The following FSCN2 variants were observed in gnomAD, a reference collection of about 807,000 sequenced individuals.
FSCN2 encodes fascin-2.
A neutral mutation model predicts 37.8 loss-of-function variants in FSCN2; 46 were observed. The ratio of observed to expected loss-of-function variants is 1.22; its 90% CI spans 0.96 to 1.56. The LOEUF (loss-of-function observed/expected upper bound fraction) is 1.56, where lower values mean the gene tolerates loss of function less well. Ranked by LOEUF, FSCN2 falls within the 40% of genes most tolerant of loss-of-function variation. The pLI is 0.00. For missense variants in FSCN2, 844 were observed against 730.4 expected, an observed-to-expected ratio of 1.16 and a Z score of -1.79; for synonymous variants, 351 against 309.4, an observed-to-expected ratio of 1.13 and a Z score of -1.41.
chr17:81,526,795 G>A (rs1187697909), upstream of FSCN2, among the ~76,000 whole-genome samples: 1 of 152,222 alleles, frequency 6.6e-6, no homozygotes, highest in Non-Finnish European at 1.5e-5. Context: ...GGAAGGGGGT[G>A]AAACCCCAGA....
chr17:81,515,424 A>G, the FSCN2 span, among the ~76,000 whole-genome samples: 5 of 152,280 alleles, frequency 3.3e-5, no homozygotes, highest in Admixed American at 2.6e-4. Context: ...TGTCCTTCAC[A>G]TTTCAGGAAG....
upstream of FSCN2, among the ~76,000 whole-genome samples, chr17:81,523,380 G>A (rs534448430): frequency 3.8e-4 from 58 of 152,376 alleles, no homozygotes; most frequent in South Asian, 3.5e-3. Context: ...AGAAAGAGAA[G>A]TGCGGCCCCC....
In FSCN2 at chr17:81,535,227, T is replaced by C; in HGVS notation, c.983+19T>C. On this transcript the variant is annotated intron_variant, in intron 2 of 4. Transcript: ENST00000417245. The stretch of plus-strand genomic sequence containing the variant: ...CACAAGTGTGAGTGCACACATCCCT[T>C]CCTCCTCCATCATCCCCATCCCCAC... The C allele has an allele frequency of 6.7e-7, 1 of 1,502,106 alleles. No individual in the cohort carries two copies. The highest frequency in any genetic ancestry group is 8.9e-7 in the Non-Finnish European group (1 of 1,124,480). The allele number at this position is 1,502,106 out of a possible 1,614,324, so 93.0% of individuals were successfully genotyped here.
At chr17:81,533,905 C>T (rs1379030059) in intron 1 of FSCN2, among the ~76,000 whole-genome samples, 4 of 152,124 alleles carry the variant, frequency 2.6e-5, no homozygotes, top group African/African-American at 7.2e-5. Context: ...CTTCAGTGCC[C>T]GCAGGGACGG....
chr17:81,531,354 GTGATGGTGATGA>G (rs2032570143), intron 1 of FSCN2, among the ~76,000 whole-genome samples: 1 of 124,300 alleles, frequency 8.0e-6, no homozygotes, highest in Non-Finnish European at 1.7e-5. Flanking sequence ...GGTGATGATG[GTGATGGTGATGA>G]TGGTGGTGGT....
the FSCN2 span, among the ~76,000 whole-genome samples, chr17:81,516,112 G>A: frequency 6.6e-6 from 1 of 152,246 alleles, no homozygotes; most frequent in Non-Finnish European, 1.5e-5. Flanking sequence ...CCAAAGTGCT[G>A]GGATTACAGG....
At chr17:81,531,321 A>ATGGTGG (rs1568077143) in intron 1 of FSCN2, among the ~76,000 whole-genome samples, 2 of 86,564 alleles carry the variant, frequency 2.3e-5, no homozygotes, top group African/African-American at 5.9e-5. Context: ...GGTGGTGATG[A>ATGGTGG]TGGTGGTGGT....
chr17:81,526,647 G>A (rs1331038216), upstream of FSCN2, among the ~76,000 whole-genome samples: 1 of 152,212 alleles, frequency 6.6e-6, no homozygotes, highest in East Asian at 1.9e-4. Context: ...TTAAAAAGAA[G>A]AGCCAATGGG....
At chr17:81,528,324 C>T, upstream of FSCN2, 2 of 584,284 alleles carry the variant, frequency 3.4e-6, no homozygotes, top group South Asian at 4.0e-5. Context: ...TCCCCGCCCG[C>T]CCTCTGCTGC....
chr17:81,516,208 T>A, the FSCN2 span, among the ~76,000 whole-genome samples: 2 of 152,202 alleles, frequency 1.3e-5, no homozygotes, highest in African/African-American at 4.8e-5. Flanking sequence ...GGAACAGTGG[T>A]GGAAGAACTA....
chr17:81,532,032 GTGA>G (rs374977923), intron 1 of FSCN2, among the ~76,000 whole-genome samples: 77,680 of 131,712 alleles, frequency 0.59, 22,792 homozygotes, highest in East Asian at 0.79. Flanking sequence ...GATAGTGATG[GTGA>G]TGATGATGGT....
At chr17:81,526,949 G>C (rs782057739), upstream of FSCN2, 5 of 152,386 alleles carry the variant, frequency 3.3e-5, no homozygotes, top group Non-Finnish European at 7.3e-5. Flanking sequence ...GGCGTACGCT[G>C]TGCCCTGGGG....
chr17:81,515,837 T>A, the FSCN2 span, among the ~76,000 whole-genome samples: 10 of 152,392 alleles, frequency 6.6e-5, no homozygotes, highest in African/African-American at 2.4e-4. Flanking sequence ...ATGTCTACTT[T>A]TTCTTTATAT....
chr17:81,530,270 G>A (rs2032506793), intron 1 of FSCN2: 1 of 282,536 alleles, frequency 3.5e-6, no homozygotes. Context: ...GGACACGGTG[G>A]GCAGGCAGCT....
chr17:81,533,829 T>C (rs1283224348), intron 1 of FSCN2, among the ~76,000 whole-genome samples: 1 of 152,148 alleles, frequency 6.6e-6, no homozygotes, highest in East Asian at 1.9e-4. Context: ...GGGGCAACTC[T>C]GGGGACACCA....
chr17:81,532,596 G>GTGATGA (rs1215658318), intron 1 of FSCN2, among the ~76,000 whole-genome samples: 1 of 145,108 alleles, frequency 6.9e-6, no homozygotes, highest in Non-Finnish European at 1.5e-5. Flanking sequence ...GATGGTGATG[G>GTGATGA]TGATGATGGT....
the FSCN2 span, among the ~76,000 whole-genome samples, chr17:81,521,224 C>G: frequency 6.6e-6 from 1 of 152,240 alleles, no homozygotes; most frequent in East Asian, 1.9e-4. Flanking sequence ...TGTGCCACCA[C>G]GCCTGGCTAA....
chr17:81,534,619 G>A (rs1409597168), intron 1 of FSCN2, among the ~76,000 whole-genome samples: 1 of 151,962 alleles, frequency 6.6e-6, no homozygotes, highest in Non-Finnish European at 1.5e-5. Flanking sequence ...CCTGGCTGGA[G>A]CCCAGGGGTG....
chr17:81,532,056 A>T (rs1185918501), intron 1 of FSCN2, among the ~76,000 whole-genome samples: 1 of 113,140 alleles, frequency 8.8e-6, no homozygotes, highest in Admixed American at 8.9e-5. Flanking sequence ...GATGATGGTG[A>T]TGGTGATGAT....
Sources: allele counts gnomAD v4.1 joint callset (sites outside exome capture counted in the v4.1 genomes callset), GRCh38; gene constraint gnomAD v4.1.1; transcripts MANE v1.5; gene names NCBI Gene and HGNC (gene_info 2026-07-23, HGNC 2026-07-21).